Variants in EML5 observed in about 807,000 individuals in gnomAD.
EML5 encodes the protein EMAP like 5.
EML5 carries 120 observed loss-of-function variants against 250.0 expected under a neutral mutation model. The ratio of observed to expected loss-of-function variants is 0.48; its 90% CI spans 0.41 to 0.56. The LOEUF is 0.56. Ranked by LOEUF, EML5 falls within the 20% of genes least tolerant of loss-of-function variation. The pLI, the probability that EML5 is intolerant of heterozygous loss-of-function variation, is 0.00. For synonymous variants in EML5, 771 were observed against 806.5 expected (o/e 0.96, Z 0.75); for missense variants, 2,006 against 2,437.6 (o/e 0.82, Z 3.73).
chr14:88,672,965 G>A (rs2092506427), intron 21 of EML5, among the ~76,000 whole-genome samples: 1 of 152,086 alleles, frequency 6.6e-6, no homozygotes, highest in Non-Finnish European at 1.5e-5. Flanking sequence ...GGTACAAAGA[G>A]GAGCTGGTAC....
intron 8 of EML5, among the ~76,000 whole-genome samples, chr14:88,720,710 T>C (rs890567924): frequency 2.6e-5 from 4 of 152,142 alleles, no homozygotes; most frequent in East Asian, 1.9e-4. Context: ...CCTTGAAAAC[T>C]GGCACAAGAC....
chr14:88,709,671 G>A (rs1323564544), intron 10 of EML5, among the ~76,000 whole-genome samples: 4 of 152,054 alleles, frequency 2.6e-5, no homozygotes, highest in Non-Finnish European at 5.9e-5. Flanking sequence ...TTCTTATAAC[G>A]TTCACATTCT....
At chr14:88,714,728 T>TATA (rs891597340) in intron 9 of EML5, among the ~76,000 whole-genome samples, 21 of 152,294 alleles carry the variant, frequency 1.4e-4, no homozygotes, top group African/African-American at 4.8e-4. Flanking sequence ...AGGATTTCAA[T>TATA]ATAAGGCAGC....
At chr14:88,779,643 C>T (rs1257638683) in intron 1 of EML5, among the ~76,000 whole-genome samples, 1 of 152,162 alleles carries the variant, frequency 6.6e-6, no homozygotes, top group Non-Finnish European at 1.5e-5. Context: ...CCCTACTAGT[C>T]TTTTATATAT....
chr14:88,679,675 GA>G (rs1260937411), intron 21 of EML5, among the ~76,000 whole-genome samples: 4 of 151,968 alleles, frequency 2.6e-5, no homozygotes, highest in African/African-American at 9.7e-5. Context: ...CTGGGTGATA[GA>G]GCAAGACTGT....
Position 88,791,686 on chromosome 14 carries a change from G to C in EML5, c.197+621C>G, listed in dbSNP as rs148124724. On this transcript the variant is annotated intron_variant, in intron 1 of 43. Transcript: ENST00000554922. ...GAACTGGAAATCAGTGAAGTTTTCA[G>C]CAGCCTCTTCAGATAAGACCTACCT... is the stretch of plus-strand genomic sequence containing the variant. Among the ~76,000 whole-genome samples the C allele has an allele frequency of 7.2e-5, 11 of 152,344 alleles. 1 individual carries two copies. The highest frequency in any genetic ancestry group is 2.6e-4 in the African/African-American group (11 of 41,582).
At chr14:88,648,489 G>A (rs1313902462) in intron 28 of EML5, among the ~76,000 whole-genome samples, 1 of 151,988 alleles carries the variant, frequency 6.6e-6, no homozygotes, top group Non-Finnish European at 1.5e-5. Flanking sequence ...ACGTAGCTGG[G>A]ACCACAGGTG....
chr14:88,697,192 T>C (rs1367108385), intron 14 of EML5, among the ~76,000 whole-genome samples: 1 of 152,218 alleles, frequency 6.6e-6, no homozygotes, highest in Non-Finnish European at 1.5e-5. Flanking sequence ...GTGACTTTTA[T>C]CATATATTTC....
intron 1 of EML5, among the ~76,000 whole-genome samples, chr14:88,780,638 C>T (rs1336182515): frequency 1.3e-5 from 2 of 151,988 alleles, no homozygotes; most frequent in Admixed American, 6.5e-5. Flanking sequence ...TGCAGAGGCG[C>T]GATCTTGGCT....
chr14:88,621,432 G>A, intron 37 of EML5, 131 bp from the exon 38 acceptor site: 1 of 991,488 alleles, frequency 1.0e-6, no homozygotes, highest in Non-Finnish European at 1.5e-6. Flanking sequence ...TAGCAAGGCA[G>A]TCATTAGCTC....
intron 41 of EML5, 166 bp downstream of exon 41, chr14:88,618,062 T>G: frequency 2.3e-6 from 1 of 439,484 alleles, no homozygotes; most frequent in Non-Finnish European, 4.0e-6. Flanking sequence ...GGAAATATAT[T>G]CAATAAAAAG....
chr14:88,710,327 G>C (rs1291385196), intron 10 of EML5, among the ~76,000 whole-genome samples: 2 of 152,156 alleles, frequency 1.3e-5, no homozygotes, highest in Admixed American at 6.6e-5. Context: ...CAATTACAAT[G>C]ATTCTATAAC....
In EML5 at chr14:88,696,958, A is replaced by G. The variant is rs2093093324; in HGVS notation, c.2239-6T>C. The G allele has an allele frequency of 4.6e-6, 7 of 1,515,194 alleles. No individual in the cohort carries two copies. Among genetic ancestry groups the G allele is most frequent in the Non-Finnish European group, 6.3e-6 (7 of 1,115,376 alleles). 93.9% of individuals were successfully genotyped at this position (1,515,194 alleles called of 1,614,324 possible). ...ATTGAGGGATCTCTACCAACCTAAAATAGAATTATAGAAGCTATTAAATAC... is the reference window on the plus strand; with the variant it reads ...ATTGAGGGATCTCTACCAACCTAAAGTAGAATTATAGAAGCTATTAAATAC... On this transcript the variant is annotated splice_region_variant and splice_polypyrimidine_tract_variant and intron_variant, in intron 14 of 43. Transcript: ENST00000554922.
At chr14:88,743,506 G>A (rs1175404690) in intron 4 of EML5, among the ~76,000 whole-genome samples, 1 of 152,062 alleles carries the variant, frequency 6.6e-6, no homozygotes, top group East Asian at 1.9e-4. Flanking sequence ...ACAAGCACTT[G>A]AATATACACT....
At position 88,681,978 on chromosome 14, in the gene EML5, G is replaced by C; in HGVS notation, c.3036C>G (p.Ile1012Met). The change falls in exon 21 of 44, where the codon ATC (isoleucine) becomes ATG (methionine). Residue 1012 changes from isoleucine to methionine, a missense_variant. Physicochemically the swap from Ile to Met is conservative, Grantham distance 10. Around this residue, in one of 7 missense-constraint regions of EML5, gnomAD observed 1,375 missense variants for 1,590.3 expected, o/e 0.86. Coordinates refer to ENST00000554922, the MANE Select transcript of EML5 (RefSeq NM_183387.3). ...WGLATHPYLP[I>M]CATVSDDKTL... ...TTTTATCATCGCTTACAGTAGCACA[G>C]ATGGGCAGATAAGGGTGTGTAGCTA... 1 of 1,613,272 alleles carries C rather than the reference G, an allele frequency of 6.2e-7. No homozygotes were observed. Among genetic ancestry groups the C allele is most frequent in the Non-Finnish European group, 8.5e-7 (1 of 1,179,622 alleles).
chr14:88,701,075 G>A lies in EML5; in HGVS notation c.2238+1371C>T, dbSNP rs113220392. On this transcript the variant is annotated intron_variant, in intron 14 of 43. Coordinates refer to ENST00000554922, the MANE Select transcript of EML5 (RefSeq NM_183387.3). Reference sequence around the variant, plus strand: ...TCATCATCTCTATGAGGGTTTCTTCGATTCTACTGGGCAAAATTAATCATT... The same window carrying A: ...TCATCATCTCTATGAGGGTTTCTTCAATTCTACTGGGCAAAATTAATCATT... Among the ~76,000 whole-genome samples the A allele has an allele frequency of 6.6e-3, 1,002 of 152,136 alleles. 9 individuals carry two copies. Among genetic ancestry groups the A allele is most frequent in the South Asian group, 0.011 (55 of 4,820 alleles).
At position 88,705,668 on chromosome 14, in the gene EML5, A is replaced by G. The variant is rs140312307; in HGVS notation, c.1826-80T>C. On this transcript the variant is annotated intron_variant, in intron 11 of 43. Coordinates refer to ENST00000554922, the MANE Select transcript of EML5 (RefSeq NM_183387.3). Reference sequence around the variant, plus strand: ...CAGCACTGAAAAATTAATGATTAAGAGCTATGTCAGTTGACATGGAGACAA... The same window carrying G: ...CAGCACTGAAAAATTAATGATTAAGGGCTATGTCAGTTGACATGGAGACAA... The G allele has an allele frequency of 7.6e-4, 775 of 1,019,386 alleles. 5 individuals are homozygous for G. In the African/African-American group the frequency reaches 0.011, roughly 15 times the overall value. 63.1% of individuals were successfully genotyped at this position (1,019,386 alleles called of 1,614,324 possible).
chr14:88,644,163 A>C lies in EML5; in HGVS notation c.4107+270T>G, dbSNP rs532151782. 6.6e-5 allele frequency among the ~76,000 whole-genome samples: 10 copies of C among 152,274 alleles called. No individual in the cohort carries two copies. The South Asian group carries it at 2.1e-3, about 32-fold the overall frequency. On this transcript the variant is annotated intron_variant, in intron 30 of 43. Transcript: ENST00000554922. ...GTGTCTGTGCTTCTATAAGCAAAAG[A>C]TCATTCACACATACTTAGGTTTAGG... is the stretch of plus-strand genomic sequence containing the variant.
intron 1 of EML5, among the ~76,000 whole-genome samples, chr14:88,766,616 C>T (rs1429803107): frequency 1.3e-5 from 2 of 152,068 alleles, no homozygotes; most frequent in African/African-American, 4.8e-5. Flanking sequence ...TAATTTCGCC[C>T]CAGTCCTGTG....
Sources: allele counts gnomAD v4.1 joint callset (sites outside exome capture counted in the v4.1 genomes callset), GRCh38; gene constraint gnomAD v4.1.1; regional missense constraint gnomAD v4.1.1; transcripts MANE v1.5; gene names NCBI Gene and HGNC (gene_info 2026-07-23, HGNC 2026-07-21).